Variants in FUT8 observed in about 807,000 individuals in gnomAD.
The protein encoded by FUT8 is alpha-(1,6)-fucosyltransferase.
In FUT8, 29 loss-of-function variants were observed where a neutral mutation model predicts 71.3. That is an observed-to-expected ratio of 0.41 (90% CI 0.30 to 0.55). The LOEUF (loss-of-function observed/expected upper bound fraction) is 0.55. Ranked by LOEUF, FUT8 falls within the 20% of genes least tolerant of loss-of-function variation. The probability of loss-of-function intolerance (pLI) is 0.34; values close to 1 mark genes in which losing one functional copy is unlikely to be tolerated. For missense variants in FUT8, 544 were observed against 702.1 expected, an observed-to-expected ratio of 0.77 and a Z score of 2.55; for synonymous variants, 254 against 239.3, an observed-to-expected ratio of 1.06 and a Z score of -0.57.
chr14:65,383,315 C>T, the FUT8 span, among the ~76,000 whole-genome samples: 1 of 136,176 alleles, frequency 7.3e-6, no homozygotes, highest in East Asian at 2.1e-4. Flanking sequence ...TGCTCTGTTG[C>T]CCAGGCTGGA....
intron 2 of FUT8, among the ~76,000 whole-genome samples, chr14:65,542,656 C>G (rs746827491): frequency 6.6e-6 from 1 of 152,164 alleles, no homozygotes; most frequent in Non-Finnish European, 1.5e-5. Flanking sequence ...TTTTGAATCC[C>G]TACTATTCTG....
At chr14:65,371,908 A>ATG in the FUT8 span, among the ~76,000 whole-genome samples, 1 of 144,780 alleles carries the variant, frequency 6.9e-6, no homozygotes, top group Non-Finnish European at 1.5e-5. Context: ...TAAGGAATGT[A>ATG]TGTATATATA....
chr14:65,378,832 A>G, the FUT8 span, among the ~76,000 whole-genome samples: 1 of 133,668 alleles, frequency 7.5e-6, no homozygotes, highest in Non-Finnish European at 1.6e-5. Context: ...AAATTTCACA[A>G]GAAGGTTTTT....
intron 3 of FUT8, among the ~76,000 whole-genome samples, chr14:65,563,341 A>T (rs1886017703): frequency 6.6e-6 from 1 of 152,076 alleles, no homozygotes; most frequent in South Asian, 2.1e-4. Context: ...CACTATCTTT[A>T]TGAGATGTTA....
chr14:65,614,406 G>A (rs376224173), intron 3 of FUT8, among the ~76,000 whole-genome samples: 6 of 152,120 alleles, frequency 3.9e-5, no homozygotes, highest in Non-Finnish European at 5.9e-5. Flanking sequence ...ATATATGTAC[G>A]TATTAATTTC....
At chr14:65,448,056 G>A (rs1050171515) in intron 1 of FUT8, among the ~76,000 whole-genome samples, 1 of 152,172 alleles carries the variant, frequency 6.6e-6, no homozygotes, top group Non-Finnish European at 1.5e-5. Context: ...GTATCACAGG[G>A]ATAGTGTTAG....
chr14:65,438,949 A>T (rs1566747406), intron 1 of FUT8, among the ~76,000 whole-genome samples: 1 of 152,246 alleles, frequency 6.6e-6, no homozygotes, highest in Non-Finnish European at 1.5e-5. Flanking sequence ...AAGCACAGTT[A>T]CACATATTTT....
chr14:65,605,415 T>C (rs887966632), intron 3 of FUT8, among the ~76,000 whole-genome samples: 1 of 151,904 alleles, frequency 6.6e-6, no homozygotes, highest in Non-Finnish European at 1.5e-5. Flanking sequence ...GATAGTCCCT[T>C]TAAAGAGATG....
chr14:65,734,000 G>A (rs1318029505), intron 10 of FUT8, among the ~76,000 whole-genome samples: 1 of 152,176 alleles, frequency 6.6e-6, no homozygotes. Flanking sequence ...TGTATGCCCT[G>A]TGGAATATCA....
Position 65,607,681 on chromosome 14 carries a change from C to T in FUT8, c.204-8297C>T, listed in dbSNP as rs1446068840. 6.6e-6 allele frequency among the ~76,000 whole-genome samples: 1 copy of T among 151,686 alleles called. No individual in the cohort carries two copies. Among genetic ancestry groups the T allele is most frequent in the African/African-American group, 2.4e-5 (1 of 41,284 alleles). On this transcript the variant is annotated intron_variant, in intron 3 of 10. Coordinates refer to ENST00000673929, the MANE Select transcript of FUT8 (RefSeq NM_001371533.1). This position sits in a 1 kb window ranked among gnomAD's most constrained non-coding sequence, Gnocchi z 4.1. ...TTCTATATCAATCTTATACTAATCT[C>T]AGGAATGGAATTTTAGAATTTCCTC...
chr14:65,581,567 C>A (rs2140113501), intron 3 of FUT8, among the ~76,000 whole-genome samples: 1 of 152,212 alleles, frequency 6.6e-6, no homozygotes, highest in African/African-American at 2.4e-5. Context: ...CTTTTAGTCA[C>A]AGCAAGAGCC....
intron 3 of FUT8, among the ~76,000 whole-genome samples, chr14:65,600,150 A>G (rs1888221400): frequency 6.6e-6 from 1 of 152,206 alleles, no homozygotes; most frequent in Admixed American, 6.5e-5. Context: ...TTCTTTCTTT[A>G]AAGATACTCA....
At chr14:65,701,874 A>G (rs1594915376) in intron 7 of FUT8, among the ~76,000 whole-genome samples, 1 of 152,090 alleles carries the variant, frequency 6.6e-6, no homozygotes, top group Admixed American at 6.6e-5. Flanking sequence ...TGGAGTAGCC[A>G]CCTCGCCTCT....
the FUT8 span, among the ~76,000 whole-genome samples, chr14:65,379,010 C>A: frequency 6.6e-6 from 1 of 151,556 alleles, no homozygotes; most frequent in South Asian, 2.1e-4. Context: ...CCATGCCTGG[C>A]TAATTTTTGT....
intron 6 of FUT8, among the ~76,000 whole-genome samples, chr14:65,664,968 A>C (rs1441557505): frequency 9.4e-6 from 1 of 105,928 alleles, no homozygotes; most frequent in Non-Finnish European, 2.4e-5. Flanking sequence ...GAACTTTAGA[A>C]TGGAAAAAAA....
intron 1 of FUT8, among the ~76,000 whole-genome samples, chr14:65,439,317 G>A (rs961302693): frequency 1.3e-5 from 2 of 152,152 alleles, no homozygotes; most frequent in Non-Finnish European, 2.9e-5. Flanking sequence ...GGTTTAGGAG[G>A]ATCATAGTAA....
At chr14:65,401,935 G>A in the FUT8 span, among the ~76,000 whole-genome samples, 3 of 150,816 alleles carry the variant, frequency 2.0e-5, no homozygotes, top group Admixed American at 6.6e-5. Flanking sequence ...AGTTGGTAGT[G>A]AGAGAAGAGC....
At chr14:65,484,481 A>G (rs1013070629) in intron 2 of FUT8, among the ~76,000 whole-genome samples, 1 of 151,964 alleles carries the variant, frequency 6.6e-6, no homozygotes. Flanking sequence ...GTTTTTTTTA[A>G]TGTGTTGAAA....
At chr14:65,715,246 G>A (rs533392792) in intron 7 of FUT8, among the ~76,000 whole-genome samples, 4 of 152,292 alleles carry the variant, frequency 2.6e-5, no homozygotes, top group South Asian at 2.1e-4. Flanking sequence ...GTTGAGATAC[G>A]TTGCTTTTAT....
Sources: allele counts gnomAD v4.1 joint callset (sites outside exome capture counted in the v4.1 genomes callset), GRCh38; gene constraint gnomAD v4.1.1; non-coding constraint Gnocchi (gnomAD v3.1); transcripts MANE v1.5; gene names NCBI Gene and HGNC (gene_info 2026-07-23, HGNC 2026-07-21).